NDRG4: variants seen among roughly 807,000 people sequenced by gnomAD.
NDRG4 encodes NDRG family member 4, also known as protein NDRG4.
A neutral mutation model predicts 55.8 loss-of-function variants in NDRG4; 38 were observed. The observed-to-expected ratio is 0.68, with a 90% confidence interval of 0.53 to 0.89. The LOEUF is 0.89. Ranked by LOEUF, NDRG4 falls within the 40% of genes least tolerant of loss-of-function variation. NDRG4 has a pLI of 0.00. For synonymous variants in NDRG4, 190 were observed against 182.7 expected, an observed-to-expected ratio of 1.04 and a Z score of -0.32; for missense variants, 455 against 468.6, an observed-to-expected ratio of 0.97 and a Z score of 0.27.
intron 1 of NDRG4, among the ~76,000 whole-genome samples, chr16:58,484,894 T>TG (rs1412644066): frequency 2.0e-5 from 3 of 151,286 alleles, no homozygotes; most frequent in African/African-American, 7.3e-5. Flanking sequence ...TTTTTTTTTT[T>TG]TTTTTTTTGA....
chr16:58,465,017 C>T, intron 1 of NDRG4: 1 of 1,242,016 alleles, frequency 8.1e-7, no homozygotes, highest in Non-Finnish European at 1.0e-6. Flanking sequence ...CTGCTGGAAA[C>T]TCACATCCAG....
chr16:58,478,623 G>A (rs2033998937), intron 1 of NDRG4, among the ~76,000 whole-genome samples: 1 of 151,494 alleles, frequency 6.6e-6, no homozygotes, highest in African/African-American at 2.4e-5. Context: ...TGGTTCTGTA[G>A]CATGATAACA....
At chr16:58,503,371 C>T (rs2037413651) in intron 1 of NDRG4, among the ~76,000 whole-genome samples, 1 of 152,170 alleles carries the variant, frequency 6.6e-6, no homozygotes, top group Non-Finnish European at 1.5e-5. Flanking sequence ...CTGAGGATTC[C>T]AGGCAGGACC....
In NDRG4 at chr16:58,513,368, TAGAA is replaced by T. The variant is rs1003460718; in HGVS notation, c.*1796_*1799del. On this transcript the variant is annotated 3_prime_UTR_variant, in exon 15 of 15. Transcript: ENST00000570248. ...ATGTAAAACAAAACTCTAGTCAACGTAGAAAGAGTTAACTGTGCTGAAAAACTAA... is the reference window on the plus strand; with the variant it reads ...ATGTAAAACAAAACTCTAGTCAACGTAGAGTTAACTGTGCTGAAAAACTAA... 1 of 152,156 alleles carries T rather than the reference TAGAA, an allele frequency of 6.6e-6. No homozygotes were observed. Among genetic ancestry groups the T allele is most frequent in the Non-Finnish European group, 1.5e-5 (1 of 68,014 alleles). The allele number at this position is 152,156 out of a possible 1,614,324, so 9.4% of individuals were successfully genotyped here.
chr16:58,508,871 C>T, intron 10 of NDRG4, 91 bp from the exon 11 acceptor site: 1 of 1,441,500 alleles, frequency 6.9e-7, no homozygotes, highest in Non-Finnish European at 9.6e-7. Flanking sequence ...TGCACCCCCT[C>T]TCCTCCCCGA....
At chr16:58,500,348 C>T (rs576676198) in intron 1 of NDRG4, 79 bp downstream of exon 1, 5 of 1,498,092 alleles carry the variant, frequency 3.3e-6, no homozygotes, top group Non-Finnish European at 4.4e-6. Flanking sequence ...GAGGAAGTGC[C>T]CCCCTCAACC....
intron 1 of NDRG4, among the ~76,000 whole-genome samples, chr16:58,503,003 C>T (rs540327886): frequency 7.2e-5 from 11 of 152,344 alleles, no homozygotes; most frequent in South Asian, 4.1e-4. Flanking sequence ...GTCTAGTTCC[C>T]GCAAAGTCCC....
At chr16:58,509,122 C>T (rs1415841375) in intron 11 of NDRG4, 32 bp from the exon 12 acceptor site, 3 of 1,613,906 alleles carry the variant, frequency 1.9e-6, no homozygotes, top group African/African-American at 2.7e-5. Context: ...AGTGAGGGCC[C>T]TGCTCAGGTC....
intron 1 of NDRG4, chr16:58,501,764 G>A (rs1363844028): frequency 3.0e-6 from 1 of 333,358 alleles, no homozygotes; most frequent in Non-Finnish European, 6.1e-6. Flanking sequence ...TCACCTCAGG[G>A]GGATGGGGAC....
At chr16:58,503,617 T>G in intron 1 of NDRG4, 181 bp from the exon 2 acceptor site, 2 of 1,226,256 alleles carry the variant, frequency 1.6e-6, no homozygotes, top group Non-Finnish European at 1.2e-6. Context: ...TGAACAGCCC[T>G]GAGAAGGGGT....
rs190879962 is a variant in NDRG4, at chr16:58,513,028, C to G, written c.*1452C>G. On this transcript the variant is annotated 3_prime_UTR_variant, in exon 15 of 15. Coordinates refer to ENST00000570248, the MANE Select transcript of NDRG4 (RefSeq NM_001242835.2). ...GTTAGTTTCTGCCCAGTTCTACCCCCTCATGTGCTTCTTCTGAATACTGAA... is the reference window on the plus strand; with the variant it reads ...GTTAGTTTCTGCCCAGTTCTACCCCGTCATGTGCTTCTTCTGAATACTGAA... 2.0e-5 allele frequency: 3 copies of G among 152,702 alleles called. No homozygotes were observed. Among genetic ancestry groups the G allele is most frequent in the Admixed American group, 6.5e-5 (1 of 15,282 alleles). The allele number at this position is 152,702 out of a possible 1,614,324, so 9.5% of individuals were successfully genotyped here.
intron 1 of NDRG4, chr16:58,475,762 G>A (rs1339502050): frequency 2.4e-6 from 1 of 410,032 alleles, no homozygotes; most frequent in African/African-American, 2.1e-5. Flanking sequence ...CTGTATTCCA[G>A]CCAGGAGGCA....
In NDRG4 at chr16:58,512,137, G is replaced by A. The variant is rs1367022168; in HGVS notation, c.*561G>A. On this transcript the variant is annotated 3_prime_UTR_variant, in exon 15 of 15. Coordinates refer to ENST00000570248, the MANE Select transcript of NDRG4 (RefSeq NM_001242835.2). ...GTGCTCTCTGGGCCCAGCTGGTGCT[G>A]TAGGGCCACGCAGGCAGGGGCGTCA... 2.2e-6 allele frequency: 1 copy of A among 456,178 alleles called. No individual in the cohort carries two copies. Among genetic ancestry groups the A allele is most frequent in the African/African-American group, 2.0e-5 (1 of 50,200 alleles). 28.3% of individuals were successfully genotyped at this position (456,178 alleles called of 1,614,324 possible).
intron 1 of NDRG4, among the ~76,000 whole-genome samples, chr16:58,481,673 G>A (rs1288448025): frequency 6.6e-6 from 1 of 152,174 alleles, no homozygotes; most frequent in African/African-American, 2.4e-5. Flanking sequence ...ATGTAGGCGG[G>A]TGGAAGCATG....
Position 58,509,850 on chromosome 16 carries a change from G to A in NDRG4, c.865+498G>A, listed in dbSNP as rs141842884. On this transcript the variant is annotated intron_variant, in intron 13 of 14. Transcript: ENST00000570248. ...GGGGCCAGGGAAGGCAACTGGGGCC[G>A]CCTGGCATTCAGAGAGCTGAAAGCA... 2.0e-3 allele frequency among the ~76,000 whole-genome samples: 306 copies of A among 152,248 alleles called. 1 individual carries two copies. The highest frequency in any genetic ancestry group is 7.2e-3 in the African/African-American group (299 of 41,532).
chr16:58,504,781 C>T, intron 5 of NDRG4, 132 bp downstream of exon 5: 3 of 879,466 alleles, frequency 3.4e-6, no homozygotes, highest in Non-Finnish European at 5.4e-6. Flanking sequence ...CCCACCTCCT[C>T]TTTATGTAGA....
chr16:58,507,424 C>T (rs2038185877), intron 8 of NDRG4: 1 of 357,034 alleles, frequency 2.8e-6, no homozygotes, highest in Non-Finnish European at 5.1e-6. Flanking sequence ...TGGCCAGGCC[C>T]CCTCACTCAC....
At chr16:58,510,028 C>A (rs1412727444) in intron 13 of NDRG4, among the ~76,000 whole-genome samples, 1 of 152,202 alleles carries the variant, frequency 6.6e-6, no homozygotes. Flanking sequence ...TCCAGGTCCC[C>A]ACTGCCAGGA....
chr16:58,467,410 G>A (rs1309041359), intron 1 of NDRG4, among the ~76,000 whole-genome samples: 1 of 152,190 alleles, frequency 6.6e-6, no homozygotes, highest in East Asian at 1.9e-4. Flanking sequence ...GGGAGGCTAA[G>A]GCAGGAGAAT....
Sources: gnomAD v4.1 joint callset for allele counts (sites outside exome capture counted in the v4.1 genomes callset) on GRCh38, gnomAD v4.1.1 for gene constraint, MANE v1.5 for transcripts, NCBI Gene and HGNC (gene_info 2026-07-23, HGNC 2026-07-21) for gene names.